Variants in RBM11 observed in about 807,000 individuals in gnomAD.
RBM11 encodes the protein splicing regulator RBM11.
A neutral mutation model predicts 21.4 loss-of-function variants in RBM11; 18 were observed. The observed-to-expected ratio is 0.84, with a 90% CI of 0.58 to 1.25. RBM11 has a LOEUF of 1.25. RBM11 is among the 50% of genes most tolerant of loss of function. RBM11 has a pLI of 0.00. For missense variants in RBM11, 294 were observed against 331.9 expected, an observed-to-expected ratio of 0.89 and a Z score of 0.89; for synonymous variants, 120 against 116.3, an observed-to-expected ratio of 1.03 and a Z score of -0.20.
chr21:14,226,503 C>T (rs1044692744), intron 4 of RBM11, among the ~76,000 whole-genome samples: 11 of 151,748 alleles, frequency 7.2e-5, no homozygotes, highest in Non-Finnish European at 1.5e-4. Flanking sequence ...CCTGTAGTCC[C>T]AGCTTCTTGG....
At chr21:14,225,309 G>A (rs1979000143) in intron 4 of RBM11, among the ~76,000 whole-genome samples, 1 of 152,120 alleles carries the variant, frequency 6.6e-6, no homozygotes, top group Non-Finnish European at 1.5e-5. Context: ...ACAGGGGAAG[G>A]ATATCATAGC....
chr21:14,227,272 T>A lies in RBM11; in HGVS notation c.825T>A (p.Ser275=). 1 of 1,611,686 alleles carries A rather than the reference T, an allele frequency of 6.2e-7. No individual in the cohort carries two copies. Among genetic ancestry groups the A allele is most frequent in the South Asian group, 1.1e-5 (1 of 90,654 alleles). The change falls in exon 5 of 5, where the codon TCT becomes TCA. Residue 275 remains serine, a synonymous_variant. Coordinates refer to ENST00000400577, the MANE Select transcript of RBM11 (RefSeq NM_144770.5). The part of the protein sequence containing the change: ...GNECSQKFRK[S]KKKKRY ...AATGTAGCCAAAAGTTCCGAAAGTCTAAGAAGAAGAAAAGATACTAGTATT... is the reference window on the plus strand; with the variant it reads ...AATGTAGCCAAAAGTTCCGAAAGTCAAAGAAGAAGAAAAGATACTAGTATT...
chr21:14,217,262 G>A (rs2020466774), intron 1 of RBM11, among the ~76,000 whole-genome samples: 1 of 152,094 alleles, frequency 6.6e-6, no homozygotes, highest in South Asian at 2.1e-4. Context: ...TGGTAAAATG[G>A]CTACAGCTGA....
chr21:14,223,183 A>T (rs1027508530), intron 3 of RBM11, among the ~76,000 whole-genome samples: 1 of 152,240 alleles, frequency 6.6e-6, no homozygotes, highest in African/African-American at 2.4e-5. Context: ...TTTGGATATG[A>T]CATTTCATTG....
chr21:14,226,691 A>G (rs1162632243), intron 4 of RBM11, among the ~76,000 whole-genome samples, 189 bp from the exon 5 acceptor site: 3 of 152,124 alleles, frequency 2.0e-5, no homozygotes, highest in Non-Finnish European at 4.4e-5. Context: ...TGAGCTATAC[A>G]CAGCCTCAAC....
In RBM11 at chr21:14,228,135, GTTTA is replaced by G. The variant is rs745923041; in HGVS notation, c.*850_*853del. On this transcript the variant is annotated 3_prime_UTR_variant, in exon 5 of 5. Transcript: ENST00000400577. The stretch of plus-strand genomic sequence containing the variant: ...GTCTAAATCAAGTTTCCTATTTTTG[GTTTA>G]TTTATTTTAGAAGAAAAATAAAATT... The G allele has an allele frequency of 7.2e-5, 11 of 151,970 alleles. No homozygotes were observed. The South Asian group carries it at 1.7e-3, about 23-fold the overall frequency. The allele number at this position is 151,970 out of a possible 1,614,324, so 9.4% of individuals were successfully genotyped here.
At chr21:14,225,285 T>G (rs1978998299) in intron 4 of RBM11, among the ~76,000 whole-genome samples, 1 of 152,192 alleles carries the variant, frequency 6.6e-6, no homozygotes, top group Non-Finnish European at 1.5e-5. Flanking sequence ...TACTTAGTCC[T>G]TCATGCACAC....
intron 3 of RBM11, 87 bp from the exon 4 acceptor site, chr21:14,224,351 G>A (rs760742119): frequency 3.1e-5 from 46 of 1,476,716 alleles, no homozygotes; most frequent in Non-Finnish European, 3.9e-5. Flanking sequence ...CATCCCCTGA[G>A]GAAAGATAGT....
At chr21:14,216,667 T>C (rs1479676643) in intron 1 of RBM11, among the ~76,000 whole-genome samples, 1 of 152,182 alleles carries the variant, frequency 6.6e-6, no homozygotes, top group Non-Finnish European at 1.5e-5. Context: ...GCTTTTATAA[T>C]GTTTCCTTTT....
At chr21:14,225,124 G>C (rs1978984460) in intron 4 of RBM11, among the ~76,000 whole-genome samples, 1 of 151,970 alleles carries the variant, frequency 6.6e-6, no homozygotes, top group Non-Finnish European at 1.5e-5. Flanking sequence ...AAAAAAAAAA[G>C]ATGTTTGCAG....
At chr21:14,220,186 C>A (rs1163019521) in intron 2 of RBM11, among the ~76,000 whole-genome samples, 1 of 152,070 alleles carries the variant, frequency 6.6e-6, no homozygotes, top group Non-Finnish European at 1.5e-5. Flanking sequence ...GGATTTTAGC[C>A]CCTGTAAGAG....
chr21:14,216,293 T>C lies in RBM11; in HGVS notation c.96+11T>C. 2 of 1,610,838 alleles carry C rather than the reference T, an allele frequency of 1.2e-6. No individual in the cohort carries two copies. The highest frequency in any genetic ancestry group is 1.7e-6 in the Non-Finnish European group (2 of 1,177,928). ...GAGCTGTTCCTTCAGGTACCGTCTCTGGGAAGGGGCGGCGGAGGGGCGGAG... is the reference window on the plus strand; with the variant it reads ...GAGCTGTTCCTTCAGGTACCGTCTCCGGGAAGGGGCGGCGGAGGGGCGGAG... On this transcript the variant is annotated intron_variant, in intron 1 of 4. Transcript: ENST00000400577.
chr21:14,220,258 G>T (rs1291829887), intron 2 of RBM11, among the ~76,000 whole-genome samples: 5 of 152,138 alleles, frequency 3.3e-5, no homozygotes. Context: ...TTCCTGACAA[G>T]AATGGCCTCA....
At chr21:14,226,222 A>G (rs1295941285) in intron 4 of RBM11, among the ~76,000 whole-genome samples, 2 of 152,194 alleles carry the variant, frequency 1.3e-5, no homozygotes, top group African/African-American at 4.8e-5. Context: ...TATCATTTAC[A>G]TATTAAAGTT....
At position 14,224,478 on chromosome 21, in the gene RBM11, C is replaced by A. The variant is rs1256391129; in HGVS notation, c.373C>A (p.Gln125Lys). ...GGTGGGCAGATCTTCCTTTCCCATG[C>A]AGTATTTTCCAATTAATAATACTTC... ...MLVGRSSFPM[Q>K]YFPINNTSLP... The change falls in exon 4 of 5, where the codon CAG becomes AAG. Residue 125 changes from glutamine to lysine, a missense_variant. Transcript: ENST00000400577. 4.5e-6 allele frequency: 7 copies of A among 1,562,602 alleles called. No homozygotes were observed. The South Asian group carries it at 7.1e-5, about 16-fold the overall frequency.
chr21:14,224,963 A>C (rs532722139), intron 4 of RBM11, among the ~76,000 whole-genome samples: 2 of 152,288 alleles, frequency 1.3e-5, no homozygotes, highest in South Asian at 4.1e-4. Flanking sequence ...TCATAAAAAT[A>C]GAAAAAATTA....
At chr21:14,216,704 T>G (rs2020454606) in intron 1 of RBM11, among the ~76,000 whole-genome samples, 1 of 152,152 alleles carries the variant, frequency 6.6e-6, no homozygotes, top group Non-Finnish European at 1.5e-5. Context: ...TTCAAGCCCT[T>G]TTATGCGGAC....
At chr21:14,226,551 G>A (rs777021900) in intron 4 of RBM11, among the ~76,000 whole-genome samples, 1 of 150,858 alleles carries the variant, frequency 6.6e-6, no homozygotes, top group Admixed American at 6.6e-5. Flanking sequence ...CCCAGGAGGC[G>A]CAGGTTGCAG....
In RBM11 at chr21:14,222,886, C is replaced by T. The variant is rs375131508; in HGVS notation, c.333-1552C>T. Among the ~76,000 whole-genome samples, 11 of 152,184 alleles carry T rather than the reference C, an allele frequency of 7.2e-5. No individual in the cohort carries two copies. In the South Asian group the frequency reaches 1.7e-3, roughly 23 times the overall value. The stretch of plus-strand genomic sequence containing the variant: ...TTAAAATACTGAGCATACAATGTTC[C>T]GCAAATGTTAGCATAAAGGGGGGGA... On this transcript the variant is annotated intron_variant, in intron 3 of 4. Transcript: ENST00000400577.
Sources: gnomAD v4.1 joint callset for allele counts (sites outside exome capture counted in the v4.1 genomes callset) on GRCh38, gnomAD v4.1.1 for gene constraint, MANE v1.5 for transcripts, NCBI Gene and HGNC (gene_info 2026-07-23, HGNC 2026-07-21) for gene names.